Variants in CUX1 observed in about 807,000 individuals in gnomAD.
CUX1 encodes the protein cut like homeobox 1.
A neutral mutation model predicts 158.8 loss-of-function variants in CUX1; 31 were observed. The observed-to-expected ratio is 0.20, with a 90% CI of 0.15 to 0.26. The LOEUF is 0.26. Ranked by LOEUF, CUX1 falls within the 10% of genes least tolerant of loss-of-function variation. The pLI, the probability that CUX1 is intolerant of heterozygous loss-of-function variation, is 1.00. For synonymous variants in CUX1, 879 were observed against 862.1 expected, an observed-to-expected ratio of 1.02 and a Z score of -0.34; for missense variants, 1,589 against 2,014.6, an observed-to-expected ratio of 0.79 and a Z score of 4.04.
intron 22 of CUX1, among the ~76,000 whole-genome samples, chr7:102,237,667 G>A (rs563874049): frequency 6.6e-6 from 1 of 152,172 alleles, no homozygotes; most frequent in African/African-American, 2.4e-5. Context: ...AGCCCCACAG[G>A]GTCTGTGGGT....
chr7:101,895,689 T>G (rs910180949), intron 1 of CUX1, among the ~76,000 whole-genome samples: 6 of 152,104 alleles, frequency 3.9e-5, no homozygotes, highest in African/African-American at 1.4e-4. Flanking sequence ...CTGAATCCCT[T>G]CAGAAGGAAT....
Position 102,227,565 on chromosome 7 carries a change from G to A in CUX1, c.3329G>A (p.Gly1110Glu), listed in dbSNP as rs782788239. ...SQPTTPLPLSGHSALSIQELV... is the reference protein window; with the variant it reads ...SQPTTPLPLSEHSALSIQELV... ...CCCACAACCCCGCTGCCTCTCTCCGGACACTCGGCCCTCAGCATCCAAGAA... is the reference window on the plus strand; with the variant it reads ...CCCACAACCCCGCTGCCTCTCTCCGAACACTCGGCCCTCAGCATCCAAGAA... The change falls in exon 21 of 24, where the codon GGA becomes GAA. Residue 1110 changes from glycine to glutamate, a missense_variant. Gly to Glu is a moderately conservative substitution (Grantham distance 98). Around this residue, in one of 8 missense-constraint regions of CUX1, gnomAD observed 259 missense variants for 373.8 expected, o/e 0.69. Transcript: ENST00000292535. 2 of 1,614,124 alleles carry A rather than the reference G, an allele frequency of 1.2e-6. No individual in the cohort carries two copies. Among genetic ancestry groups the A allele is most frequent in the Non-Finnish European group, 1.7e-6 (2 of 1,180,036 alleles).
chr7:101,904,416 T>C (rs915304175), intron 1 of CUX1, among the ~76,000 whole-genome samples: 2 of 152,106 alleles, frequency 1.3e-5, no homozygotes, highest in African/African-American at 4.8e-5. Flanking sequence ...TTTCTGGGGG[T>C]GTGCTGAACA....
At chr7:102,003,295 AACACACACACACACACAC>A (rs56760446) in intron 2 of CUX1, among the ~76,000 whole-genome samples, 2 of 131,908 alleles carry the variant, frequency 1.5e-5, no homozygotes, top group South Asian at 2.6e-4. Context: ...CCTGGTGCCG[AACACACACACACACACAC>A]ACACACACAC....
chr7:102,228,910 C>T (rs1024626275), intron 21 of CUX1, among the ~76,000 whole-genome samples: 1 of 152,170 alleles, frequency 6.6e-6, no homozygotes. Context: ...TAACGGACCC[C>T]GGTTCTCACT....
At chr7:102,103,220 G>A (rs1381573874) in intron 5 of CUX1, among the ~76,000 whole-genome samples, 1 of 152,148 alleles carries the variant, frequency 6.6e-6, no homozygotes, top group Admixed American at 6.6e-5. Context: ...GGCACCCTCT[G>A]CTCTGCACAC....
At chr7:102,262,830 A>C (rs188491406), downstream of CUX1, among the ~76,000 whole-genome samples, 21 of 152,240 alleles carry the variant, frequency 1.4e-4, no homozygotes, top group East Asian at 4.1e-3. Flanking sequence ...GAGCTAATAC[A>C]TACCGAAGGC....
chr7:101,900,671 G>A (rs1272457247), intron 1 of CUX1, among the ~76,000 whole-genome samples: 6 of 151,760 alleles, frequency 4.0e-5, no homozygotes, highest in Non-Finnish European at 7.4e-5. Flanking sequence ...GCTTTCTGGA[G>A]TTTTTATTTG....
At chr7:101,973,958 C>T (rs1448368627) in intron 2 of CUX1, among the ~76,000 whole-genome samples, 4 of 151,400 alleles carry the variant, frequency 2.6e-5, no homozygotes, top group Admixed American at 6.6e-5. Flanking sequence ...TTAGTAGAGA[C>T]GGGGTTTCAC....
chr7:101,832,724 A>T (rs1794191991), intron 1 of CUX1, among the ~76,000 whole-genome samples: 1 of 152,248 alleles, frequency 6.6e-6, no homozygotes, highest in Non-Finnish European at 1.5e-5. Flanking sequence ...ATGACTAATT[A>T]TAGTGATACC....
chr7:101,936,276 T>C (rs1432320987), intron 2 of CUX1, among the ~76,000 whole-genome samples: 1 of 151,982 alleles, frequency 6.6e-6, no homozygotes. Context: ...CATCTGTAGA[T>C]GGACCAGGTT....
intron 3 of CUX1, among the ~76,000 whole-genome samples, chr7:102,034,929 A>G (rs938262358): frequency 2.0e-5 from 3 of 152,020 alleles, no homozygotes; most frequent in Admixed American, 6.6e-5. Flanking sequence ...TCAAGATTCC[A>G]TCTCAAAAAC....
At position 102,205,266 on chromosome 7, in the gene CUX1, C is replaced by A. The variant is rs544086794; in HGVS notation, c.3130+96C>A. ...CTGTCCCGGCGAGACTCCGAGGGAC[C>A]GCACATTCTGGATTTGGGGAGCTGA... On this transcript the variant is annotated intron_variant, in intron 20 of 23. Transcript: ENST00000292535. 19 of 909,510 alleles carry A rather than the reference C, an allele frequency of 2.1e-5. No individual in the cohort carries two copies. In the African/African-American group the frequency reaches 2.5e-4, roughly 12 times the overall value. 56.3% of individuals were successfully genotyped at this position (909,510 alleles called of 1,614,324 possible).
intron 8 of CUX1, among the ~76,000 whole-genome samples, chr7:102,132,306 TGTGCGCGCGC>T (rs1833354937): frequency 2.7e-4 from 1 of 3,716 alleles, no homozygotes; most frequent in African/African-American, 1.2e-3. Flanking sequence ...TGTGTGTGTG[TGTGCGCGCGC>T]GCGCGCGCAC....
Position 102,248,778 on chromosome 7 carries a change from G to GGACGCCGCTACCTCAGCC in CUX1, c.4256_4273dup (p.Asp1419_Ala1424dup). 1 of 1,050,288 alleles carries GGACGCCGCTACCTCAGCC rather than the reference G, an allele frequency of 9.5e-7. No homozygotes were observed. The highest frequency in any genetic ancestry group is 1.1e-6 in the Non-Finnish European group (1 of 871,140). The allele number at this position is 1,050,288 out of a possible 1,614,324, so 65.1% of individuals were successfully genotyped here. A position where few individuals can be genotyped will look rare whatever the true frequency, so the allele number is the denominator to read the frequency against. ...CCACCGCCGCGCCCGCGGCCCCCGA[G>GGACGCCGCTACCTCAGCC]GACGCCGCTACCTCAGCCGCCGCCG... On this transcript the variant is annotated inframe_insertion, in exon 24 of 24. Transcript: ENST00000292535. This position sits in a 1 kb window ranked among gnomAD's most constrained non-coding sequence, Gnocchi z 5.8.
intron 2 of CUX1, among the ~76,000 whole-genome samples, chr7:102,007,066 C>T (rs1817469028): frequency 6.6e-6 from 1 of 152,192 alleles, no homozygotes. Context: ...AGGAACAGAC[C>T]CCATGCACGG....
chr7:102,095,123 C>T (rs1178063615), intron 4 of CUX1, among the ~76,000 whole-genome samples: 4 of 152,040 alleles, frequency 2.6e-5, no homozygotes, highest in African/African-American at 7.2e-5. Flanking sequence ...CCTTAAGCCC[C>T]CCAGTAGCTG....
chr7:101,857,107 C>A (rs1049207505), intron 1 of CUX1, among the ~76,000 whole-genome samples: 8 of 152,212 alleles, frequency 5.3e-5, no homozygotes, highest in Non-Finnish European at 8.8e-5. Context: ...CCGCCGCGGG[C>A]CACTTTTGGG....
At chr7:102,275,242 G>A in intron 16 of CUX1, 2 of 1,602,962 alleles carry the variant, frequency 1.2e-6, no homozygotes, top group Non-Finnish European at 1.7e-6. Flanking sequence ...TCCTCTACCT[G>A]CTAGGACCTG....
Sources: gnomAD v4.1 joint callset for allele counts (sites outside exome capture counted in the v4.1 genomes callset) on GRCh38, gnomAD v4.1.1 for gene constraint, gnomAD v4.1.1 regional missense constraint, Gnocchi (gnomAD v3.1) non-coding constraint, MANE v1.5 for transcripts, NCBI Gene and HGNC (gene_info 2026-07-23, HGNC 2026-07-21) for gene names.